Variants in ESPNL observed in about 807,000 individuals in gnomAD.
ESPNL encodes espin-like protein.
ESPNL carries 49 observed loss-of-function variants against 46.8 expected under a neutral mutation model. That is an observed-to-expected ratio of 1.05 (90% CI 0.83 to 1.33). The LOEUF (loss-of-function observed/expected upper bound fraction) is 1.33, where lower values mean the gene tolerates loss of function less well. ESPNL is among the 40% of genes most tolerant of loss of function. The pLI is 0.00. For synonymous variants in ESPNL, 664 were observed against 662.1 expected (o/e 1.00, Z -0.04); for missense variants, 1,540 against 1,436.6 (o/e 1.07, Z -1.16).
intron 3 of ESPNL, 95 bp downstream of exon 3, chr2:238,104,937 C>A: frequency 8.8e-7 from 1 of 1,137,952 alleles, no homozygotes; most frequent in Non-Finnish European, 1.2e-6. Flanking sequence ...CCAGAGGGAA[C>A]TGGGGACACG....
chr2:238,126,916 C>CATGTCTGT (rs1559267056), intron 6 of ESPNL, among the ~76,000 whole-genome samples: 2 of 40,848 alleles, frequency 4.9e-5, no homozygotes, highest in African/African-American at 5.4e-4. Context: ...TGTGTATGAT[C>CATGTCTGT]GTGTCTGTGT....
intron 3 of ESPNL, 34 bp downstream of exon 3, chr2:238,104,876 C>A (rs1413592607): frequency 2.1e-6 from 3 of 1,432,338 alleles, no homozygotes; most frequent in African/African-American, 1.4e-5. Context: ...AGGGGACATC[C>A]AGGGAGTGTG....
intron 8 of ESPNL, 22 bp downstream of exon 8, chr2:238,128,926 G>A (rs1380392383): frequency 2.0e-6 from 3 of 1,527,010 alleles, no homozygotes; most frequent in South Asian, 2.4e-5. Context: ...GCAGGGGCGG[G>A]ACCAGTGGGC....
chr2:238,107,414 C>CG (rs1324242132), intron 3 of ESPNL, among the ~76,000 whole-genome samples: 1 of 152,212 alleles, frequency 6.6e-6, no homozygotes, highest in East Asian at 1.9e-4. Context: ...GCGCCACCCT[C>CG]GGGCCAAATG....
rs185902275 is a variant in ESPNL, at chr2:238,108,926, A to C, written c.855+953A>C. Among the ~76,000 whole-genome samples the C allele has an allele frequency of 2.8e-3, 420 of 152,284 alleles. 12 individuals carry two copies. The highest frequency in any genetic ancestry group is 0.022 in the Admixed American group (342 of 15,300). On this transcript the variant is annotated intron_variant, in intron 4 of 8. Transcript: ENST00000343063. ...CTGAGCCTTTGGCAGAATGCAGAGG[A>C]AACCCAATCCCCCCTCCCGGCAGCG...
chr2:238,102,109 C>G lies in ESPNL; in HGVS notation c.463C>G (p.Leu155Val). ...CAGTGGGGACCTGACCTGCCTCAAG[C>G]TCCTGACAGCCGCGCATGGCAGGTA... ...AVSGDLTCLKLLTAAHGSSVN... is the reference protein window; with the variant it reads ...AVSGDLTCLKVLTAAHGSSVN... Residue 155 changes from leucine to valine, a missense_variant, in exon 2 of 9, where the codon CTC becomes GTC. Leu to Val is a conservative substitution (Grantham distance 32). Transcript: ENST00000343063. 6.4e-7 allele frequency: 1 copy of G among 1,559,922 alleles called. No individual in the cohort carries two copies. Among genetic ancestry groups the G allele is most frequent in the Non-Finnish European group, 8.7e-7 (1 of 1,153,024 alleles).
chr2:238,125,364 C>CA lies in ESPNL; in HGVS notation c.1083dup (p.Gly362ArgfsTer19). Reference sequence around the variant, plus strand: ...CTGGAGGATGGAAGAAGAGGAGGCCCAGGGCCAGGGAACCCCAGCCGTGAG... The same window carrying CA: ...CTGGAGGATGGAAGAAGAGGAGGCCCAAGGGCCAGGGAACCCCAGCCGTGAG... On this transcript the variant is annotated frameshift_variant, in exon 6 of 9. Transcript: ENST00000343063. LOFTEE classifies it high-confidence loss of function. 6.4e-7 allele frequency: 1 copy of CA among 1,564,456 alleles called. No individual in the cohort carries two copies. Among genetic ancestry groups the CA allele is most frequent in the Non-Finnish European group, 8.7e-7 (1 of 1,155,342 alleles).
chr2:238,120,356 G>A (rs1431753648), intron 5 of ESPNL, among the ~76,000 whole-genome samples: 1 of 152,146 alleles, frequency 6.6e-6, no homozygotes, highest in Non-Finnish European at 1.5e-5. Context: ...AGCTCTGCAG[G>A]TGTCCCAGCC....
At chr2:238,129,117 G>A (rs1191360050) in intron 8 of ESPNL, 6 of 1,410,604 alleles carry the variant, frequency 4.3e-6, no homozygotes, top group Admixed American at 3.0e-5. Context: ...GGAGGCATGG[G>A]TCCCACGTAT....
chr2:238,102,900 C>G (rs1691516340), intron 2 of ESPNL, among the ~76,000 whole-genome samples: 1 of 152,238 alleles, frequency 6.6e-6, no homozygotes, highest in Non-Finnish European at 1.5e-5. Flanking sequence ...GTCGCTGCCC[C>G]AGAGGCCTCA....
Position 238,130,512 on chromosome 2 carries a change from G to T in ESPNL, c.1798G>T (p.Val600Leu). The change falls in exon 9 of 9, where the codon GTA becomes TTA. Residue 600 changes from valine to leucine, a missense_variant. Coordinates refer to ENST00000343063, the MANE Select transcript of ESPNL (RefSeq NM_194312.4). ...CTGGTGCAGCCACATCTCCCGCCTG[G>T]TACGCAGCCTGTCCCTGCTGCTGAA... The part of the protein sequence containing the change: ...PFWCSHISRL[V>L]RSLSLLLKGV... 1 of 1,598,522 alleles carries T rather than the reference G, an allele frequency of 6.3e-7. No individual in the cohort carries two copies. Among genetic ancestry groups the T allele is most frequent in the Non-Finnish European group, 8.5e-7 (1 of 1,172,760 alleles).
In ESPNL at chr2:238,130,778, G is replaced by T. The variant is rs1313520421; in HGVS notation, c.2064G>T (p.Trp688Cys). The T allele has an allele frequency of 1.3e-6, 2 of 1,546,790 alleles. No individual in the cohort carries two copies. Among genetic ancestry groups the T allele is most frequent in the African/African-American group, 1.4e-5 (1 of 73,604 alleles). ...ACAGGCAGTGCCTGAGTGGCTGCTG[G>T]CCAGCCCTGCCTAAGCCCCGCAGTG... Reference protein sequence around the residue: ...AQHRQCLSGCWPALPKPRSGL... With the variant: ...AQHRQCLSGCCPALPKPRSGL... Residue 688 changes from tryptophan (W) to cysteine (C), a missense_variant, in exon 9 of 9, where the codon TGG (tryptophan) becomes TGT (cysteine). Coordinates refer to ENST00000343063, the MANE Select transcript of ESPNL (RefSeq NM_194312.4).
At chr2:238,128,200 C>T (rs1464121008) in intron 7 of ESPNL, among the ~76,000 whole-genome samples, 1 of 152,218 alleles carries the variant, frequency 6.6e-6, no homozygotes, top group Non-Finnish European at 1.5e-5. Context: ...CCCAGACTTT[C>T]CCTGCGTGGT....
intron 1 of ESPNL, among the ~76,000 whole-genome samples, chr2:238,101,192 T>A (rs1224756505): frequency 1.3e-5 from 2 of 152,146 alleles, no homozygotes; most frequent in Non-Finnish European, 2.9e-5. Context: ...CAGTCCCCTT[T>A]GTGCAGGCGA....
chr2:238,123,024 A>T (rs551959130), intron 5 of ESPNL, among the ~76,000 whole-genome samples: 1 of 152,318 alleles, frequency 6.6e-6, no homozygotes, highest in South Asian at 2.1e-4. Context: ...CAGGGAGCAC[A>T]CATCATGCTT....
At chr2:238,110,228 G>A (rs1574731033) in intron 4 of ESPNL, among the ~76,000 whole-genome samples, 1 of 137,352 alleles carries the variant, frequency 7.3e-6, no homozygotes, top group Non-Finnish European at 1.6e-5. Flanking sequence ...ATATGTTACC[G>A]AGTGTCCCTT....
chr2:238,117,073 G>T, intron 5 of ESPNL, 39 bp downstream of exon 5: 2 of 1,580,774 alleles, frequency 1.3e-6, no homozygotes, highest in East Asian at 2.3e-5. Context: ...GAGGCATGGG[G>T]GGTGGGCCCA....
chr2:238,117,349 C>T (rs1314210789), intron 5 of ESPNL, among the ~76,000 whole-genome samples: 1 of 152,228 alleles, frequency 6.6e-6, no homozygotes, highest in Non-Finnish European at 1.5e-5. Flanking sequence ...GGGCCTGGGG[C>T]CATGGCTGTG....
At position 238,128,940 on chromosome 2, in the gene ESPNL, G is replaced by GA. The variant is rs1559268457; in HGVS notation, c.1413+36_1413+37insA. On this transcript the variant is annotated intron_variant, in intron 8 of 8. Transcript: ENST00000343063. ...GGCAGGGGCGGGACCAGTGGGCGGG[G>GA]CGGGGCCTTTTCCAGGTAGGTGGAA... 11 of 1,514,054 alleles carry GA rather than the reference G, an allele frequency of 7.3e-6. No homozygotes were observed. The South Asian group carries it at 1.2e-4, about 17-fold the overall frequency. The allele number at this position is 1,514,054 out of a possible 1,614,324, so 93.8% of individuals were successfully genotyped here.
Sources: allele counts gnomAD v4.1 joint callset (sites outside exome capture counted in the v4.1 genomes callset), GRCh38; gene constraint gnomAD v4.1.1; transcripts MANE v1.5; gene names NCBI Gene and HGNC (gene_info 2026-07-23, HGNC 2026-07-21).